SPAG16: variants seen among roughly 807,000 people sequenced by gnomAD.
SPAG16 encodes the protein sperm-associated antigen 16 protein.
SPAG16 carries 86 observed loss-of-function variants against 80.4 expected under a neutral mutation model. That is an observed-to-expected ratio of 1.07 (90% CI 0.90 to 1.28). SPAG16 has a LOEUF of 1.28. Ranked by LOEUF, SPAG16 falls within the 50% of genes most tolerant of loss-of-function variation. The pLI is 0.00. For missense variants in SPAG16, 870 were observed against 765.3 expected (o/e 1.14, Z -1.61); for synonymous variants, 294 against 265.9 (o/e 1.11, Z -1.03).
At chr2:213,608,009 AT>A (rs551834949) in intron 10 of SPAG16, among the ~76,000 whole-genome samples, 66 of 152,108 alleles carry the variant, frequency 4.3e-4, no homozygotes, top group African/African-American at 3.4e-4. Context: ...GTGAAGTATA[AT>A]TTTTTTTATA....
At chr2:213,419,204 C>G (rs1181338448) in intron 9 of SPAG16, among the ~76,000 whole-genome samples, 1 of 152,118 alleles carries the variant, frequency 6.6e-6, no homozygotes, top group African/African-American at 2.4e-5. Flanking sequence ...TGAGTTGTCT[C>G]TGAACAATAA....
intron 15 of SPAG16, among the ~76,000 whole-genome samples, chr2:214,184,516 C>G (rs1457606378): frequency 6.6e-6 from 1 of 152,014 alleles, no homozygotes; most frequent in East Asian, 1.9e-4. Context: ...TTTTGTCACC[C>G]CACAACATTC....
intron 9 of SPAG16, among the ~76,000 whole-genome samples, chr2:213,453,165 A>G (rs1170271902): frequency 6.6e-6 from 1 of 152,226 alleles, no homozygotes; most frequent in Non-Finnish European, 1.5e-5. Context: ...GTAATAATAC[A>G]CTTATCAATA....
At chr2:213,763,574 AG>A (rs1412659988) in intron 10 of SPAG16, among the ~76,000 whole-genome samples, 1 of 152,188 alleles carries the variant, frequency 6.6e-6, no homozygotes. Context: ...AACATTAAAA[AG>A]TTCTAGGTAT....
intron 10 of SPAG16, among the ~76,000 whole-genome samples, chr2:213,831,633 C>A (rs1203353189): frequency 6.6e-6 from 1 of 152,000 alleles, no homozygotes; most frequent in Admixed American, 6.6e-5. Flanking sequence ...TTCAATTCTG[C>A]ATGTTCGTTT....
chr2:213,931,878 A>G (rs955312082), intron 12 of SPAG16, among the ~76,000 whole-genome samples: 6 of 152,200 alleles, frequency 3.9e-5, no homozygotes, highest in Non-Finnish European at 7.4e-5. Context: ...GAGGTGGTGG[A>G]TAAGTATTGA....
chr2:213,860,846 G>T (rs1374991114), intron 10 of SPAG16, among the ~76,000 whole-genome samples: 1 of 152,128 alleles, frequency 6.6e-6, no homozygotes, highest in Admixed American at 6.6e-5. Context: ...GCATGTGTCT[G>T]CCAGGAAAGC....
intron 13 of SPAG16, among the ~76,000 whole-genome samples, chr2:214,064,153 G>A (rs943892708): frequency 6.6e-6 from 1 of 152,072 alleles, no homozygotes; most frequent in Non-Finnish European, 1.5e-5. Flanking sequence ...TTGGATATGA[G>A]TATAGCTGTG....
intron 11 of SPAG16, among the ~76,000 whole-genome samples, chr2:213,889,319 A>C (rs2076686720): frequency 6.6e-6 from 1 of 151,982 alleles, no homozygotes; most frequent in Non-Finnish European, 1.5e-5. Context: ...AATGTTCTCA[A>C]TATATTTTAC....
At chr2:213,403,418 A>AATGTTATCC (rs2068436400) in intron 9 of SPAG16, among the ~76,000 whole-genome samples, 1 of 152,086 alleles carries the variant, frequency 6.6e-6, no homozygotes, top group Non-Finnish European at 1.5e-5. Context: ...TTGTGCAGAA[A>AATGTTATCC]ATGTTATCCA....
At chr2:214,056,295 AC>A in intron 13 of SPAG16, among the ~76,000 whole-genome samples, 1 of 151,486 alleles carries the variant, frequency 6.6e-6, no homozygotes, top group East Asian at 1.9e-4. Flanking sequence ...ACACACACAC[AC>A]ACACACACAC....
chr2:214,015,387 T>A (rs776044867), intron 13 of SPAG16, among the ~76,000 whole-genome samples: 3 of 151,782 alleles, frequency 2.0e-5, no homozygotes, highest in Non-Finnish European at 4.4e-5. Context: ...TCACTGGAGG[T>A]CAGGAGTTCC....
intron 13 of SPAG16, among the ~76,000 whole-genome samples, chr2:214,014,294 A>G (rs187502267): frequency 1.6e-4 from 25 of 152,310 alleles, no homozygotes; most frequent in Non-Finnish European, 3.4e-4. Context: ...TATCTCATTA[A>G]GCATTATTTC....
chr2:213,486,530 C>A (rs761047946), intron 9 of SPAG16, among the ~76,000 whole-genome samples: 1 of 152,046 alleles, frequency 6.6e-6, no homozygotes, highest in Non-Finnish European at 1.5e-5. Flanking sequence ...TTTGCAGCAA[C>A]ATGGATGGAA....
At chr2:214,219,512 A>C (rs1420277460) in intron 15 of SPAG16, among the ~76,000 whole-genome samples, 1 of 152,150 alleles carries the variant, frequency 6.6e-6, no homozygotes, top group Non-Finnish European at 1.5e-5. Context: ...ACATATATAA[A>C]GTGCTAAGTG....
Position 213,755,594 on chromosome 2 carries a change from C to A in SPAG16, c.1071-106891C>A, listed in dbSNP as rs747461919. Reference sequence around the variant, plus strand: ...ATTTCATTTTAATGTGTTTCATGTACTGTCCTAGGCACAAGGAATAGAATC... The same window carrying A: ...ATTTCATTTTAATGTGTTTCATGTAATGTCCTAGGCACAAGGAATAGAATC... On this transcript the variant is annotated intron_variant, in intron 10 of 15. Coordinates refer to ENST00000331683, the MANE Select transcript of SPAG16 (RefSeq NM_024532.5). Among the ~76,000 whole-genome samples, 3 of 152,266 alleles carry A rather than the reference C, an allele frequency of 2.0e-5. No individual in the cohort carries two copies. In the East Asian group the frequency reaches 5.8e-4, roughly 29 times the overall value.
In SPAG16 at chr2:214,280,922, G is replaced by C. The variant is rs1310145391; in HGVS notation, c.1721-129218G>C. The C allele has an allele frequency of 6.9e-6, 3 of 433,306 alleles. No individual in the cohort carries two copies. In the East Asian group the frequency reaches 1.7e-4, roughly 24 times the overall value. The allele number at this position is 433,306 out of a possible 1,614,324, so 26.8% of individuals were successfully genotyped here. On this transcript the variant is annotated intron_variant, in intron 15 of 15. Transcript: ENST00000331683. The stretch of plus-strand genomic sequence containing the variant: ...ACATGTAATCTGCGACATTCTGGCT[G>C]ATAATGTGCTTCCAGTGTACTTCTG...
At chr2:214,330,103 C>A (rs1401424936) in intron 15 of SPAG16, among the ~76,000 whole-genome samples, 1 of 107,562 alleles carries the variant, frequency 9.3e-6, no homozygotes, top group Non-Finnish European at 2.1e-5. Flanking sequence ...CCTATCTCTA[C>A]CAAAAATAGA....
chr2:214,057,178 CT>C (rs36181178), intron 13 of SPAG16, among the ~76,000 whole-genome samples: 47,089 of 144,264 alleles, frequency 0.33, 7,926 homozygotes, highest in East Asian at 0.67. Flanking sequence ...TTTCAGTTTA[CT>C]TTTTTTTTTT....
Sources: gnomAD v4.1 joint callset for allele counts (sites outside exome capture counted in the v4.1 genomes callset) on GRCh38, gnomAD v4.1.1 for gene constraint, MANE v1.5 for transcripts, NCBI Gene and HGNC (gene_info 2026-07-23, HGNC 2026-07-21) for gene names.